INPP5A: variants seen among roughly 807,000 people sequenced by gnomAD.
INPP5A encodes the protein 43 kDa inositol polyphosphate 5-phophatase.
Under a neutral mutation model 65.2 loss-of-function variants are expected in INPP5A, and 14 were observed. The ratio of observed to expected loss-of-function variants is 0.21; its 90% CI spans 0.14 to 0.34. The LOEUF (loss-of-function observed/expected upper bound fraction) is 0.34. INPP5A is among the 10% of genes least tolerant of loss of function. The pLI, the probability that INPP5A is intolerant of heterozygous loss-of-function variation, is 1.00. For missense variants in INPP5A, 431 were observed against 545.6 expected (o/e 0.79, Z 2.09); for synonymous variants, 207 against 208.3 (o/e 0.99, Z 0.05).
Position 132,712,992 on chromosome 10 carries a change from TAAG to T in INPP5A, c.647+2537_647+2539del, listed in dbSNP as rs556178013. The stretch of plus-strand genomic sequence containing the variant: ...TGGATCTGTGTGGATGCATGTGTGC[TAAG>T]GTGTATGCATGTGTGCTGGGGTGTA... On this transcript the variant is annotated intron_variant, in intron 8 of 15. Transcript: ENST00000368594. 3.9e-3 allele frequency among the ~76,000 whole-genome samples: 567 copies of T among 146,442 alleles called. 4 individuals are homozygous for T. Among genetic ancestry groups the T allele is most frequent in the Middle Eastern group, 0.016 (4 of 256 alleles).
intron 12 of INPP5A, among the ~76,000 whole-genome samples, chr10:132,774,331 C>T (rs1385094227): frequency 6.6e-6 from 1 of 152,176 alleles, no homozygotes; most frequent in Non-Finnish European, 1.5e-5. Context: ...TGTGCTGCAC[C>T]CTCCTGCTCC....
Position 132,710,324 on chromosome 10 carries a change from CT to C in INPP5A, c.528-9del, listed in dbSNP as rs746768916. Reference sequence around the variant, plus strand: ...GGCCCTTGGTGACGTGTCCTTTTCTCTTTTGGTTGCAGTGCCTTTGACTTGG... The same window carrying C: ...GGCCCTTGGTGACGTGTCCTTTTCTCTTTGGTTGCAGTGCCTTTGACTTGG... On this transcript the variant is annotated splice_polypyrimidine_tract_variant and intron_variant, in intron 7 of 15. Coordinates refer to ENST00000368594, the MANE Select transcript of INPP5A (RefSeq NM_005539.5). 6 of 1,613,636 alleles carry C rather than the reference CT, an allele frequency of 3.7e-6. No homozygotes were observed. Among genetic ancestry groups the C allele is most frequent in the Non-Finnish European group, 5.1e-6 (6 of 1,179,778 alleles).
rs369919500 is a variant in INPP5A at position 132,616,221 on chromosome 10, G to C, written c.117+8265G>C. 6.6e-6 allele frequency among the ~76,000 whole-genome samples: 1 copy of C among 152,228 alleles called. No individual in the cohort carries two copies. The highest frequency in any genetic ancestry group is 2.4e-5 in the African/African-American group (1 of 41,450). On this transcript the variant is annotated intron_variant, in intron 2 of 15. Coordinates refer to ENST00000368594, the MANE Select transcript of INPP5A (RefSeq NM_005539.5). This position sits in a 1 kb window ranked among gnomAD's most constrained non-coding sequence, Gnocchi z 4.9. ...CGGGCCCTGAAAGAACCACAGGGTG[G>C]CGTGGGAGGCAGCTGCAGTGGGAGG...
At chr10:132,691,090 A>G (rs1845252124) in intron 5 of INPP5A, among the ~76,000 whole-genome samples, 1 of 152,244 alleles carries the variant, frequency 6.6e-6, no homozygotes, top group Non-Finnish European at 1.5e-5. Flanking sequence ...AGTGCCCTGC[A>G]CGTCGTAGTA....
At chr10:132,614,785 A>G (rs1344486880) in intron 2 of INPP5A, among the ~76,000 whole-genome samples, 1 of 152,230 alleles carries the variant, frequency 6.6e-6, no homozygotes, top group Non-Finnish European at 1.5e-5. Flanking sequence ...CTCCATCCCC[A>G]TGAATGCAAT....
At chr10:132,626,112 C>T (rs1221800842) in intron 2 of INPP5A, among the ~76,000 whole-genome samples, 3 of 152,158 alleles carry the variant, frequency 2.0e-5, no homozygotes, top group South Asian at 2.1e-4. Flanking sequence ...GGGAACGTGG[C>T]GGCACCCGCC....
rs1427633010 is a variant in INPP5A at position 132,644,985 on chromosome 10, A to G, written c.118-883A>G. Among the ~76,000 whole-genome samples the G allele has an allele frequency of 1.3e-5, 2 of 152,094 alleles. No homozygotes were observed. Among genetic ancestry groups the G allele is most frequent in the East Asian group, 1.9e-4 (1 of 5,178 alleles). ...CGGGGACCTGGAAGGAGGGGAGGCC[A>G]TGTCGATACTGCATCCGCTCTCTGA... On this transcript the variant is annotated intron_variant, in intron 2 of 15. Coordinates refer to ENST00000368594, the MANE Select transcript of INPP5A (RefSeq NM_005539.5). This position sits in a 1 kb window ranked among gnomAD's most constrained non-coding sequence, Gnocchi z 6.5.
Position 132,676,320 on chromosome 10 carries a change from G to A in INPP5A, c.307-14072G>A, listed in dbSNP as rs928943178. Among the ~76,000 whole-genome samples, 8 of 152,266 alleles carry A rather than the reference G, an allele frequency of 5.3e-5. No individual in the cohort carries two copies. The East Asian group carries it at 7.7e-4, about 15-fold the overall frequency. On this transcript the variant is annotated intron_variant, in intron 4 of 15. Coordinates refer to ENST00000368594, the MANE Select transcript of INPP5A (RefSeq NM_005539.5). The surrounding 1 kb of genome is among the most constrained non-coding windows in gnomAD (Gnocchi z 4.0). The stretch of plus-strand genomic sequence containing the variant: ...CAGCCTCGTTTTTCATGAGACCTGC[G>A]GAAAGGCTCTGGGGCGTCACGTCTC...
Position 132,644,896 on chromosome 10 carries a change from G to A in INPP5A, c.118-972G>A, listed in dbSNP as rs968972340. 6.6e-6 allele frequency among the ~76,000 whole-genome samples: 1 copy of A among 152,208 alleles called. No homozygotes were observed. Among genetic ancestry groups the A allele is most frequent in the Non-Finnish European group, 1.5e-5 (1 of 68,038 alleles). On this transcript the variant is annotated intron_variant, in intron 2 of 15. Coordinates refer to ENST00000368594, the MANE Select transcript of INPP5A (RefSeq NM_005539.5). The surrounding 1 kb of genome is among the most constrained non-coding windows in gnomAD (Gnocchi z 6.5). Reference sequence around the variant, plus strand: ...AGATGGTTCGTGTCCTGGCCTGTCAGGACTCCCATGAGTGGCGAGGTGTGC... The same window carrying A: ...AGATGGTTCGTGTCCTGGCCTGTCAAGACTCCCATGAGTGGCGAGGTGTGC...
At chr10:132,625,108 C>T (rs1356505088) in intron 2 of INPP5A, among the ~76,000 whole-genome samples, 2 of 124,174 alleles carry the variant, frequency 1.6e-5, no homozygotes, top group Admixed American at 1.7e-4. Context: ...TCCCTCTCTC[C>T]CTCCCCCCTC....
intron 4 of INPP5A, among the ~76,000 whole-genome samples, chr10:132,660,189 G>C (rs761944111): frequency 1.3e-5 from 2 of 152,170 alleles, no homozygotes; most frequent in Non-Finnish European, 1.5e-5. Context: ...ATTGAGTGAC[G>C]GGGAAAGATA....
At chr10:132,701,311 G>A (rs1375657440) in intron 6 of INPP5A, among the ~76,000 whole-genome samples, 1 of 152,224 alleles carries the variant, frequency 6.6e-6, no homozygotes, top group African/African-American at 2.4e-5. Flanking sequence ...GAGTAGAGGA[G>A]CCAACACAGG....
chr10:132,774,210 C>T (rs891618556), intron 12 of INPP5A, among the ~76,000 whole-genome samples: 2 of 152,284 alleles, frequency 1.3e-5, no homozygotes, highest in African/African-American at 2.4e-5. Context: ...TGTTTGGAAG[C>T]GGGTGTCTGA....
At chr10:132,638,768 A>C (rs886904365) in intron 2 of INPP5A, among the ~76,000 whole-genome samples, 9 of 151,960 alleles carry the variant, frequency 5.9e-5, no homozygotes, top group African/African-American at 2.2e-4. Context: ...GGGTTTCACC[A>C]TGTTGGCCAG....
chr10:132,781,823 G>A (rs188762903), intron 14 of INPP5A, 38 bp from the exon 15 acceptor site: 96 of 1,554,760 alleles, frequency 6.2e-5, no homozygotes, highest in Middle Eastern at 3.6e-4. Flanking sequence ...GCTGTCCCGC[G>A]TGCGCCGTGC....
rs1405780889 is a variant in INPP5A at position 132,611,187 on chromosome 10, A to G, written c.117+3231A>G. On this transcript the variant is annotated intron_variant, in intron 2 of 15. Coordinates refer to ENST00000368594, the MANE Select transcript of INPP5A (RefSeq NM_005539.5). The stretch of plus-strand genomic sequence containing the variant: ...CATGGGAGAGGCCCTGTCAGGGGAG[A>G]GTGAGGGAGGTGAGGAGTTCATGGG... Among the ~76,000 whole-genome samples the G allele has an allele frequency of 2.3e-3, 125 of 54,362 alleles. No individual in the cohort carries two copies. In the Middle Eastern group the frequency reaches 0.042, roughly 18 times the overall value. The allele number at this position is 54,362 out of a possible 152,430, so 35.7% of individuals were successfully genotyped here.
At position 132,597,746 on chromosome 10, in the gene INPP5A, G is replaced by T. The variant is rs180948700; in HGVS notation, c.76-10169G>T. Among the ~76,000 whole-genome samples the T allele has an allele frequency of 1.9e-3, 290 of 149,054 alleles. 2 individuals carry two copies. Among genetic ancestry groups the T allele is most frequent in the African/African-American group, 6.9e-3 (280 of 40,528 alleles). On this transcript the variant is annotated intron_variant, in intron 1 of 15. Coordinates refer to ENST00000368594, the MANE Select transcript of INPP5A (RefSeq NM_005539.5). ...ACCCTGGGCCTGTGGTGCGTCCTGC[G>T]GGGCTGTGCTACGTGTAGTGACCCT...
At chr10:132,745,514 G>A (rs1846353433) in intron 9 of INPP5A, among the ~76,000 whole-genome samples, 1 of 143,904 alleles carries the variant, frequency 6.9e-6, no homozygotes, top group African/African-American at 2.5e-5. Flanking sequence ...GGCAGCATCT[G>A]TGCTGGGCCC....
intron 8 of INPP5A, among the ~76,000 whole-genome samples, chr10:132,719,322 G>A (rs1218902860): frequency 2.7e-5 from 4 of 149,698 alleles, no homozygotes; most frequent in African/African-American, 9.8e-5. Flanking sequence ...TTAGGCGGCT[G>A]TCTTCAGGGT....
Sources: allele counts gnomAD v4.1 joint callset (sites outside exome capture counted in the v4.1 genomes callset), GRCh38; gene constraint gnomAD v4.1.1; non-coding constraint Gnocchi (gnomAD v3.1); transcripts MANE v1.5; gene names NCBI Gene and HGNC (gene_info 2026-07-23, HGNC 2026-07-21).